TNS3: variants seen among roughly 807,000 people sequenced by gnomAD.
TNS3 encodes tensin-3.
Under a neutral mutation model 140.9 loss-of-function variants are expected in TNS3, and 45 were observed. That is an observed-to-expected ratio of 0.32 (90% CI 0.25 to 0.41). TNS3 has a LOEUF of 0.41. Among genes scored for constraint, TNS3 ranks in the 10% least tolerant of loss-of-function variants. TNS3 has a pLI of 1.00. For synonymous variants in TNS3, 815 were observed against 788.4 expected, an observed-to-expected ratio of 1.03 and a Z score of -0.56; for missense variants, 1,716 against 1,906.7, an observed-to-expected ratio of 0.90 and a Z score of 1.86.
chr7:47,545,784 G>T (rs928947029), intron 1 of TNS3, among the ~76,000 whole-genome samples: 3 of 152,202 alleles, frequency 2.0e-5, no homozygotes, highest in African/African-American at 7.2e-5. Context: ...GGAACTGTGG[G>T]TAATGAAGCC....
intron 10 of TNS3, among the ~76,000 whole-genome samples, chr7:47,418,100 C>T (rs556704064): frequency 4.3e-4 from 66 of 152,214 alleles, no homozygotes; most frequent in Admixed American, 2.9e-3. Context: ...ACCAGCCTAG[C>T]CAACATGCTG....
intron 20 of TNS3, among the ~76,000 whole-genome samples, chr7:47,318,240 T>C (rs529051901): frequency 7.5e-4 from 114 of 152,342 alleles, no homozygotes; most frequent in Non-Finnish European, 1.1e-3. Context: ...AGTTCTTCCA[T>C]GTTGTAGTGC....
At chr7:47,333,575 A>T (rs1414123460) in intron 20 of TNS3, among the ~76,000 whole-genome samples, 1 of 152,216 alleles carries the variant, frequency 6.6e-6, no homozygotes, top group Non-Finnish European at 1.5e-5. Context: ...CTTTGTCCCT[A>T]TTATAAACAT....
At chr7:47,528,249 C>T (rs1005417417) in intron 2 of TNS3, among the ~76,000 whole-genome samples, 1 of 152,196 alleles carries the variant, frequency 6.6e-6, no homozygotes, top group Non-Finnish European at 1.5e-5. Flanking sequence ...CGTTCCATCA[C>T]AGGCACCCTA....
intron 20 of TNS3, among the ~76,000 whole-genome samples, chr7:47,341,147 T>A (rs1788989689): frequency 6.6e-6 from 1 of 152,232 alleles, no homozygotes; most frequent in Non-Finnish European, 1.5e-5. Flanking sequence ...TATTTGTTTA[T>A]GTTTTGTTAA....
chr7:47,394,723 C>A (rs570562061), intron 16 of TNS3, among the ~76,000 whole-genome samples: 1 of 152,358 alleles, frequency 6.6e-6, no homozygotes, highest in East Asian at 1.9e-4. Flanking sequence ...CATGTAACCC[C>A]TAAAGGATGG....
At chr7:47,528,389 C>G (rs915402748) in intron 2 of TNS3, among the ~76,000 whole-genome samples, 1 of 152,098 alleles carries the variant, frequency 6.6e-6, no homozygotes, top group East Asian at 1.9e-4. Flanking sequence ...TCCCCAACCC[C>G]GCAGATGAAA....
chr7:47,498,889 G>A (rs980930269), intron 3 of TNS3, among the ~76,000 whole-genome samples: 2 of 152,216 alleles, frequency 1.3e-5, no homozygotes, highest in African/African-American at 2.4e-5. Flanking sequence ...ATGCCGAGAC[G>A]GTGCAAGGAG....
chr7:47,436,296 TATC>T (rs1170987220), intron 7 of TNS3, among the ~76,000 whole-genome samples: 3 of 152,228 alleles, frequency 2.0e-5, no homozygotes, highest in Non-Finnish European at 4.4e-5. Context: ...ATAGGCAACT[TATC>T]ATGTTTCTGC....
Position 47,400,860 on chromosome 7 carries a change from G to A in TNS3, c.778C>T (p.Leu260=). Residue 260 remains leucine, a synonymous_variant, in exon 14 of 31, where the codon CTG becomes TTG. Coordinates refer to ENST00000311160, the MANE Select transcript of TNS3 (RefSeq NM_022748.12). ...RSATRDVIFR[L]QFHTGAVQGY... ...TGCACAGCCCCAGTGTGAAACTGCAGGCGGAAAATGACGTCACGGGTGGCC... is the reference window on the plus strand; with the variant it reads ...TGCACAGCCCCAGTGTGAAACTGCAAGCGGAAAATGACGTCACGGGTGGCC... 1 of 1,614,260 alleles carries A rather than the reference G, an allele frequency of 6.2e-7. No homozygotes were observed. Among genetic ancestry groups the A allele is most frequent in the Non-Finnish European group, 8.5e-7 (1 of 1,180,054 alleles).
At chr7:47,516,843 A>T (rs918287314) in intron 2 of TNS3, among the ~76,000 whole-genome samples, 3 of 152,188 alleles carry the variant, frequency 2.0e-5, no homozygotes, top group Admixed American at 6.5e-5. Context: ...TGGGTGGATC[A>T]TCTGAGGTCA....
intron 1 of TNS3, among the ~76,000 whole-genome samples, chr7:47,530,838 A>AAAAAAAAAAAAAAAAT: frequency 9.2e-5 from 5 of 54,566 alleles, no homozygotes; most frequent in African/African-American, 4.0e-4. Flanking sequence ...AAAAAAAAAA[A>AAAAAAAAAAAAAAAAT]ATATATATAT....
At chr7:47,572,532 C>T (rs1273696841) in intron 1 of TNS3, among the ~76,000 whole-genome samples, 10 of 150,914 alleles carry the variant, frequency 6.6e-5, no homozygotes, top group Middle Eastern at 3.2e-3. Flanking sequence ...CTCTCGATGA[C>T]CTATGTTTTG....
Position 47,419,840 on chromosome 7 carries a change from T to C in TNS3, c.473+4261A>G, listed in dbSNP as rs559523582. Among the ~76,000 whole-genome samples the C allele has an allele frequency of 3.4e-3, 513 of 152,064 alleles. 3 individuals carry two copies. The highest frequency in any genetic ancestry group is 0.024 in the South Asian group (117 of 4,776). On this transcript the variant is annotated intron_variant, in intron 10 of 30. Transcript: ENST00000311160. ...GCAAAAGGGTCACTTTCCCCTATGATTGCACCCCCAACCACTCAGCAGCAC... is the reference window on the plus strand; with the variant it reads ...GCAAAAGGGTCACTTTCCCCTATGACTGCACCCCCAACCACTCAGCAGCAC...
intron 2 of TNS3, among the ~76,000 whole-genome samples, chr7:47,511,951 G>A (rs1295558318): frequency 6.6e-6 from 1 of 152,236 alleles, no homozygotes; most frequent in East Asian, 1.9e-4. Flanking sequence ...CTGCCACGGT[G>A]CCTTCCACGA....
chr7:47,500,902 A>G (rs1798187875), intron 3 of TNS3, among the ~76,000 whole-genome samples: 1 of 152,068 alleles, frequency 6.6e-6, no homozygotes, highest in African/African-American at 2.4e-5. Context: ...CAATATGGTG[A>G]AACCCCGTCT....
chr7:47,302,281 C>A lies in TNS3; in HGVS notation c.3458-9G>T. 6.2e-7 allele frequency: 1 copy of A among 1,612,272 alleles called. No homozygotes were observed. Among genetic ancestry groups the A allele is most frequent in the Non-Finnish European group, 8.5e-7 (1 of 1,178,278 alleles). ...TTTATCACCTGGACTATCTGTAAAG[C>A]AAAATTTAAAAACAGTGACCATGAT... On this transcript the variant is annotated splice_polypyrimidine_tract_variant and intron_variant, in intron 22 of 30. Transcript: ENST00000311160.
chr7:47,339,290 A>C lies in TNS3; in HGVS notation c.2650+5465T>G, dbSNP rs1293790020. Among the ~76,000 whole-genome samples, 5 of 152,176 alleles carry C rather than the reference A, an allele frequency of 3.3e-5. 1 individual carries two copies. Among genetic ancestry groups the C allele is most frequent in the African/African-American group, 9.7e-5 (4 of 41,436 alleles). ...ATAACTCTTTGCCTAGTGATCCCAA[A>C]GATTTTCTCCCATTTTAAAAAATAC... On this transcript the variant is annotated intron_variant, in intron 20 of 30. Coordinates refer to ENST00000311160, the MANE Select transcript of TNS3 (RefSeq NM_022748.12).
At chr7:47,561,072 G>T (rs967537472) in intron 1 of TNS3, among the ~76,000 whole-genome samples, 1 of 152,210 alleles carries the variant, frequency 6.6e-6, no homozygotes. Context: ...GGGTAATAGG[G>T]ATAGGACGTG....
Sources: gnomAD v4.1 joint callset for allele counts (sites outside exome capture counted in the v4.1 genomes callset) on GRCh38, gnomAD v4.1.1 for gene constraint, MANE v1.5 for transcripts, NCBI Gene and HGNC (gene_info 2026-07-23, HGNC 2026-07-21) for gene names.